The following ATXN1 variants were observed in gnomAD, a reference collection of about 807,000 sequenced individuals.
ATXN1 encodes the protein ataxin-1.
In ATXN1, 8 loss-of-function variants were observed where a neutral mutation model predicts 56.4. The observed-to-expected ratio is 0.14, with a 90% confidence interval of 0.08 to 0.26. The LOEUF (loss-of-function observed/expected upper bound fraction) is 0.26, where lower values mean the gene tolerates loss of function less well. ATXN1 is among the 10% of genes least tolerant of loss of function. ATXN1 has a pLI of 1.00. For missense variants in ATXN1, 987 were observed against 1,106.5 expected (o/e 0.89, Z 1.53); for synonymous variants, 514 against 494.6 (o/e 1.04, Z -0.52).
chr6:16,562,451 A>AAAAGG lies in ATXN1; in HGVS notation c.-361+23324_-361+23328dup, dbSNP rs1163313957. ...GGAAGGAGAAGAAAAGAAAAGAAAG[A>AAAAGG]AAAGGAGAGGAGAGGAGAGGAGAGG... On this transcript the variant is annotated intron_variant, in intron 4 of 7. Transcript: ENST00000436367. Among the ~76,000 whole-genome samples the AAAAGG allele has an allele frequency of 6.2e-4, 56 of 90,562 alleles. 1 individual carries two copies. The highest frequency in any genetic ancestry group is 4.9e-3 in the Middle Eastern group (1 of 206). 59.4% of individuals were successfully genotyped at this position (90,562 alleles called of 152,430 possible). A position where few individuals can be genotyped will look rare whatever the true frequency, so the allele number is the denominator to read the frequency against.
chr6:16,566,985 G>A (rs1762243017), intron 4 of ATXN1, among the ~76,000 whole-genome samples: 1 of 152,222 alleles, frequency 6.6e-6, no homozygotes, highest in Non-Finnish European at 1.5e-5. Flanking sequence ...TCAATGCTCA[G>A]TAACAACCTG....
rs924122833 is a variant in ATXN1 at position 16,303,430 on chromosome 6, C to G, written c.*2899G>C. The G allele has an allele frequency of 1.3e-5, 2 of 152,766 alleles. No individual in the cohort carries two copies. Among genetic ancestry groups the G allele is most frequent in the African/African-American group, 2.4e-5 (1 of 41,458 alleles). The allele number at this position is 152,766 out of a possible 1,614,324, so 9.5% of individuals were successfully genotyped here. A position where few individuals can be genotyped will look rare whatever the true frequency, so the allele number is the denominator to read the frequency against. On this transcript the variant is annotated 3_prime_UTR_variant, in exon 8 of 8. Coordinates refer to ENST00000436367, the MANE Select transcript of ATXN1 (RefSeq NM_001128164.2). The surrounding 1 kb of genome is among the most constrained non-coding windows in gnomAD (Gnocchi z 4.3). ...TGGGAGGCTCTCTCCCTCCTGGCTC[C>G]TTCCCTCCAGCCCTGCTCTGGCCAG... is the stretch of plus-strand genomic sequence containing the variant.
chr6:16,367,333 T>TTCTC (rs754991999), intron 6 of ATXN1, among the ~76,000 whole-genome samples: 3 of 79,144 alleles, frequency 3.8e-5, no homozygotes, highest in Admixed American at 1.9e-4. Context: ...AAGATTCTGT[T>TTCTC]TCTCTCTCTC....
At position 16,673,234 on chromosome 6, in the gene ATXN1, A is replaced by G. The variant is rs906789242; in HGVS notation, c.-614-15333T>C. Among the ~76,000 whole-genome samples, 3 of 152,126 alleles carry G rather than the reference A, an allele frequency of 2.0e-5. No individual in the cohort carries two copies. In the East Asian group the frequency reaches 5.8e-4, roughly 29 times the overall value. On this transcript the variant is annotated intron_variant, in intron 2 of 7. Coordinates refer to ENST00000436367, the MANE Select transcript of ATXN1 (RefSeq NM_001128164.2). ...TAAGTTGTTACAGCAGCAATGAAAAACTAACACAGGTGCTTTGAAGAAACT... is the reference window on the plus strand; with the variant it reads ...TAAGTTGTTACAGCAGCAATGAAAAGCTAACACAGGTGCTTTGAAGAAACT...
chr6:16,505,667 A>C (rs1760970445), intron 5 of ATXN1, among the ~76,000 whole-genome samples: 3 of 152,146 alleles, frequency 2.0e-5, no homozygotes, highest in Admixed American at 1.3e-4. Context: ...GGAGGACTTA[A>C]ATTTCCGGAA....
chr6:16,748,393 C>T (rs752048352), intron 2 of ATXN1, among the ~76,000 whole-genome samples: 14 of 152,108 alleles, frequency 9.2e-5, no homozygotes, highest in African/African-American at 3.4e-4. Context: ...CTTATGCACT[C>T]GACTGTAAGC....
In ATXN1 at chr6:16,506,782, A is replaced by C. The variant is rs745792735; in HGVS notation, c.-299+15845T>G. 7.2e-5 allele frequency among the ~76,000 whole-genome samples: 11 copies of C among 152,124 alleles called. No individual in the cohort carries two copies. Among genetic ancestry groups the C allele is most frequent in the Non-Finnish European group, 1.3e-4 (9 of 68,016 alleles). On this transcript the variant is annotated intron_variant, in intron 5 of 7. Transcript: ENST00000436367. This position sits in a 1 kb window ranked among gnomAD's most constrained non-coding sequence, Gnocchi z 4.1. ...TAACTTTGCAGCAAGAGGGGAAAAC[A>C]TTTTTTCAGTACTACCTTTTACCTA...
rs192733216 is a variant in ATXN1, at chr6:16,761,281, A to T, written c.-730+17T>A. 42 of 450,610 alleles carry T rather than the reference A, an allele frequency of 9.3e-5. No homozygotes were observed. Among genetic ancestry groups the T allele is most frequent in the Non-Finnish European group, 1.6e-4 (36 of 223,420 alleles). 27.9% of individuals were successfully genotyped at this position (450,610 alleles called of 1,614,324 possible). A position where few individuals can be genotyped will look rare whatever the true frequency, so the allele number is the denominator to read the frequency against. ...GGGGGGAAAGAATCGGAGGAGGAAA[A>T]AAAAATAGTCACTTACTGTAAAGTG... On this transcript the variant is annotated intron_variant, in intron 1 of 7. Transcript: ENST00000436367.
At chr6:16,389,297 A>ACTGCACTC (rs67341869) in intron 6 of ATXN1, among the ~76,000 whole-genome samples, 20,759 of 150,032 alleles carry the variant, frequency 0.14, 1,731 homozygotes, top group African/African-American at 0.22. Context: ...AGATGGCGCC[A>ACTGCACTC]CTGCACTCCA....
intron 6 of ATXN1, among the ~76,000 whole-genome samples, chr6:16,364,631 T>A (rs963787765): frequency 6.6e-6 from 1 of 152,142 alleles, no homozygotes; most frequent in African/African-American, 2.4e-5. Flanking sequence ...GTGGTAAGAA[T>A]AAGGTATGGT....
intron 6 of ATXN1, among the ~76,000 whole-genome samples, chr6:16,459,449 C>T (rs546787050): frequency 5.3e-5 from 8 of 152,298 alleles, no homozygotes; most frequent in South Asian, 2.1e-4. Context: ...CTGCAACACC[C>T]CAATTCTAGG....
intron 6 of ATXN1, among the ~76,000 whole-genome samples, chr6:16,343,115 C>T (rs963179465): frequency 2.0e-5 from 3 of 152,150 alleles, no homozygotes; most frequent in Non-Finnish European, 4.4e-5. Context: ...GAGGCTGAGG[C>T]GCGCAGATCA....
chr6:16,761,253 G>A (rs1234731164), intron 1 of ATXN1, 45 bp downstream of exon 1: 2 of 432,838 alleles, frequency 4.6e-6, no homozygotes, highest in African/African-American at 2.0e-5. Flanking sequence ...AGGGAATGGG[G>A]GAGGGGGGAA....
At position 16,302,689 on chromosome 6, in the gene ATXN1, CCTGA is replaced by C. The variant is rs1477360586; in HGVS notation, c.*3636_*3639del. ...AATAGTATTATTTTTTTCTTTTCGC[CCTGA>C]CTAATTTCTTGGTGATTGTGTTCCA... is the stretch of plus-strand genomic sequence containing the variant. On this transcript the variant is annotated 3_prime_UTR_variant, in exon 8 of 8. Transcript: ENST00000436367. 11 of 152,296 alleles carry C rather than the reference CCTGA, an allele frequency of 7.2e-5. No homozygotes were observed. In the East Asian group the frequency reaches 9.7e-4, roughly 13 times the overall value. 9.4% of individuals were successfully genotyped at this position (152,296 alleles called of 1,614,324 possible). A position where few individuals can be genotyped will look rare whatever the true frequency, so the allele number is the denominator to read the frequency against.
chr6:16,443,208 C>CAAA (rs70999325), intron 6 of ATXN1, among the ~76,000 whole-genome samples: 64 of 40,758 alleles, frequency 1.6e-3, no homozygotes, highest in African/African-American at 5.7e-3. Flanking sequence ...TCTATTGGAG[C>CAAA]AAAAAAAAAA....
intron 6 of ATXN1, among the ~76,000 whole-genome samples, chr6:16,351,375 TC>T (rs1761561113): frequency 6.6e-6 from 1 of 151,508 alleles, no homozygotes; most frequent in South Asian, 2.1e-4. Flanking sequence ...AACCAATTTT[TC>T]CCCCAGTGAA....
At chr6:16,575,412 C>T (rs867496655) in intron 4 of ATXN1, among the ~76,000 whole-genome samples, 9 of 152,072 alleles carry the variant, frequency 5.9e-5, no homozygotes, top group Middle Eastern at 3.2e-3. Context: ...TTCCTTTTCC[C>T]TTATTTATTT....
chr6:16,753,076 T>C, intron 2 of ATXN1, 157 bp downstream of exon 2: 1 of 348,228 alleles, frequency 2.9e-6, no homozygotes, highest in Non-Finnish European at 5.7e-6. Flanking sequence ...AAAACAATCT[T>C]GGCAATTTCT....
chr6:16,447,742 C>T (rs1759664447), intron 6 of ATXN1, among the ~76,000 whole-genome samples: 1 of 152,210 alleles, frequency 6.6e-6, no homozygotes, highest in South Asian at 2.1e-4. Flanking sequence ...ATGCTAGTTA[C>T]ACTCTTAGAA....
Sources: gnomAD v4.1 joint callset for allele counts (sites outside exome capture counted in the v4.1 genomes callset) on GRCh38, gnomAD v4.1.1 for gene constraint, Gnocchi (gnomAD v3.1) non-coding constraint, MANE v1.5 for transcripts, NCBI Gene and HGNC (gene_info 2026-07-23, HGNC 2026-07-21) for gene names.